Variants in DPP6 observed in about 807,000 individuals in gnomAD.
DPP6 encodes the protein dipeptidyl peptidase like 6.
In DPP6, 69 loss-of-function variants were observed where a neutral mutation model predicts 122.6. That is an observed-to-expected ratio of 0.56 (90% CI 0.46 to 0.69). The LOEUF (loss-of-function observed/expected upper bound fraction) is 0.69. DPP6 is among the 30% of genes least tolerant of loss of function. The probability of loss-of-function intolerance (pLI) is 0.00; values close to 1 mark genes in which losing one functional copy is unlikely to be tolerated. For synonymous variants in DPP6, 418 were observed against 433.1 expected (o/e 0.97, Z 0.43); for missense variants, 928 against 1,116.9 (o/e 0.83, Z 2.41).
chr7:154,254,880 A>C (rs1802559831), intron 1 of DPP6, among the ~76,000 whole-genome samples: 1 of 152,176 alleles, frequency 6.6e-6, no homozygotes, highest in South Asian at 2.1e-4. Flanking sequence ...AGCATGTTGA[A>C]AGCTAAGGAG....
intron 1 of DPP6, among the ~76,000 whole-genome samples, chr7:153,980,183 T>C (rs553492180): frequency 6.6e-6 from 1 of 152,318 alleles, no homozygotes; most frequent in East Asian, 1.9e-4. Context: ...CTGGGCTTTT[T>C]TTTGGTTGGT....
intron 2 of DPP6, among the ~76,000 whole-genome samples, chr7:154,459,489 A>C (rs1482414670): frequency 6.6e-6 from 1 of 152,188 alleles, no homozygotes; most frequent in Non-Finnish European, 1.5e-5. Context: ...ACATGATTTT[A>C]TTAATTTTAT....
the DPP6 span, among the ~76,000 whole-genome samples, chr7:153,843,412 C>T: frequency 3.2e-4 from 49 of 152,250 alleles, no homozygotes; most frequent in Non-Finnish European, 5.7e-4. Flanking sequence ...TGTGGGATCT[C>T]GCCAGCACCC....
intron 3 of DPP6, among the ~76,000 whole-genome samples, chr7:154,494,135 C>T (rs1824522662): frequency 6.6e-6 from 1 of 152,136 alleles, no homozygotes; most frequent in Non-Finnish European, 1.5e-5. Flanking sequence ...CGAAACATCG[C>T]TTAAACTCAG....
At chr7:154,757,883 G>T (rs1486186463) in intron 8 of DPP6, among the ~76,000 whole-genome samples, 1 of 152,214 alleles carries the variant, frequency 6.6e-6, no homozygotes, top group Admixed American at 6.5e-5. Flanking sequence ...GGAAGAAGGG[G>T]TGCAGACCAG....
At chr7:154,642,520 G>A (rs1288601478) in intron 6 of DPP6, among the ~76,000 whole-genome samples, 1 of 152,106 alleles carries the variant, frequency 6.6e-6, no homozygotes, top group Non-Finnish European at 1.5e-5. Flanking sequence ...AACCCAAGAG[G>A]CGGAGGTTGC....
At chr7:153,969,561 A>G (rs1795926984) in intron 1 of DPP6, among the ~76,000 whole-genome samples, 1 of 147,816 alleles carries the variant, frequency 6.8e-6, no homozygotes, top group Non-Finnish European at 1.5e-5. Context: ...AAAGTTACCT[A>G]AGTCAGGATA....
rs1384197862 is a variant in DPP6, at chr7:154,052,717, C to T, written c.-104C>T. ...GCTGCTGCTGCTGCTGCCTCCCCACCGCCTTTTTTTTTTTTTAATCTGGAG... is the reference window on the plus strand; with the variant it reads ...GCTGCTGCTGCTGCTGCCTCCCCACTGCCTTTTTTTTTTTTTAATCTGGAG... On this transcript the variant is annotated 5_prime_UTR_variant, in exon 1 of 26. Coordinates refer to ENST00000377770, the MANE Select transcript of DPP6 (RefSeq NM_130797.4). This position sits in a 1 kb window ranked among gnomAD's most constrained non-coding sequence, Gnocchi z 4.8. The T allele has an allele frequency of 8.2e-6, 10 of 1,225,678 alleles. No individual in the cohort carries two copies. In the East Asian group the frequency reaches 2.6e-4, roughly 32 times the overall value. 75.9% of individuals were successfully genotyped at this position (1,225,678 alleles called of 1,614,324 possible).
At chr7:154,560,572 A>G (rs1334490136) in intron 4 of DPP6, among the ~76,000 whole-genome samples, 2 of 152,224 alleles carry the variant, frequency 1.3e-5, no homozygotes, top group African/African-American at 2.4e-5. Context: ...TTTAATATAA[A>G]GACATAGATT....
chr7:154,216,525 GAGA>G (rs1039469412), intron 1 of DPP6, among the ~76,000 whole-genome samples: 2 of 152,212 alleles, frequency 1.3e-5, no homozygotes, highest in African/African-American at 2.4e-5. Flanking sequence ...AGGGATAAAG[GAGA>G]AGGATTGGTA....
chr7:153,880,720 C>A, the DPP6 span, among the ~76,000 whole-genome samples: 2 of 152,182 alleles, frequency 1.3e-5, no homozygotes, highest in South Asian at 4.1e-4. Flanking sequence ...ACACACTGAG[C>A]TGGATACCTG....
At chr7:154,143,582 A>G (rs559345295) in intron 1 of DPP6, among the ~76,000 whole-genome samples, 39 of 152,282 alleles carry the variant, frequency 2.6e-4, no homozygotes, top group African/African-American at 8.9e-4. Flanking sequence ...CAAGTTGGCA[A>G]AATTCTTTCT....
intron 6 of DPP6, among the ~76,000 whole-genome samples, chr7:154,640,573 ATT>A: frequency 6.6e-6 from 1 of 152,234 alleles, no homozygotes; most frequent in South Asian, 2.1e-4. Flanking sequence ...TCAGAGTCTT[ATT>A]TGTCTTAATG....
chr7:153,880,241 A>G, the DPP6 span, among the ~76,000 whole-genome samples: 1 of 152,314 alleles, frequency 6.6e-6, no homozygotes, highest in Non-Finnish European at 1.5e-5. Context: ...TAAGTGTTTG[A>G]CCATTGCTCT....
At chr7:153,779,158 C>T in the DPP6 span, among the ~76,000 whole-genome samples, 1 of 148,226 alleles carries the variant, frequency 6.7e-6, no homozygotes, top group East Asian at 1.9e-4. Flanking sequence ...TCAGATCTTA[C>T]ATTTTAAATA....
the DPP6 span, among the ~76,000 whole-genome samples, chr7:153,789,613 T>G: frequency 2.0e-5 from 3 of 152,164 alleles, no homozygotes; most frequent in Non-Finnish European, 4.4e-5. Flanking sequence ...GTATAATGAA[T>G]AATAAGTGAG....
At chr7:153,839,982 G>A in the DPP6 span, among the ~76,000 whole-genome samples, 1 of 152,230 alleles carries the variant, frequency 6.6e-6, no homozygotes, top group Non-Finnish European at 1.5e-5. Flanking sequence ...AAATGCTGGA[G>A]ATGTGTGATT....
chr7:154,839,323 G>A (rs1801330376), intron 16 of DPP6, among the ~76,000 whole-genome samples: 1 of 152,168 alleles, frequency 6.6e-6, no homozygotes, highest in Non-Finnish European at 1.5e-5. Context: ...AGCCAACACT[G>A]AACACTCAGG....
intron 1 of DPP6, among the ~76,000 whole-genome samples, chr7:154,189,386 TG>T (rs1350482411): frequency 6.6e-6 from 1 of 152,120 alleles, no homozygotes; most frequent in Non-Finnish European, 1.5e-5. Context: ...TGTTTGGGGG[TG>T]AAGATTAAAT....
Sources: allele counts gnomAD v4.1 joint callset (sites outside exome capture counted in the v4.1 genomes callset), GRCh38; gene constraint gnomAD v4.1.1; non-coding constraint Gnocchi (gnomAD v3.1); transcripts MANE v1.5; gene names NCBI Gene and HGNC (gene_info 2026-07-23, HGNC 2026-07-21).